The following CASS4 variants were observed in gnomAD, a reference collection of about 807,000 sequenced individuals.
CASS4 encodes the protein Cas scaffold protein family member 4.
In CASS4, 22 loss-of-function variants were observed where a neutral mutation model predicts 54.2. The ratio of observed to expected loss-of-function variants is 0.41; its 90% CI spans 0.29 to 0.58. The LOEUF is 0.58. Ranked by LOEUF, CASS4 falls within the 20% of genes least tolerant of loss-of-function variation. The pLI, the probability that CASS4 is intolerant of heterozygous loss-of-function variation, is 0.36. For synonymous variants in CASS4, 409 were observed against 391.5 expected (o/e 1.04, Z -0.53); for missense variants, 854 against 986.7 (o/e 0.87, Z 1.80).
Position 56,414,811 on chromosome 20 carries a change from G to A in CASS4, c.36+2317G>A, listed in dbSNP as rs1979051706. ...AATACAAAAAAATTAGCTGGGCATAGTGGTGCACGTCTGTATTCCCAGCTA... is the reference window on the plus strand; with the variant it reads ...AATACAAAAAAATTAGCTGGGCATAATGGTGCACGTCTGTATTCCCAGCTA... On this transcript the variant is annotated intron_variant, in intron 1 of 5. Transcript: ENST00000679887. The surrounding 1 kb of genome is among the most constrained non-coding windows in gnomAD (Gnocchi z 4.1). 6.6e-6 allele frequency among the ~76,000 whole-genome samples: 1 copy of A among 152,140 alleles called. No homozygotes were observed. Among genetic ancestry groups the A allele is most frequent in the Admixed American group, 6.6e-5 (1 of 15,264 alleles).
chr20:56,433,868 CT>C (rs1158949905), intron 1 of CASS4, among the ~76,000 whole-genome samples: 1 of 152,132 alleles, frequency 6.6e-6, no homozygotes, highest in Non-Finnish European at 1.5e-5. Context: ...CTTTGGGGAC[CT>C]TTTTTCTATG....
At chr20:56,443,110 G>T (rs908886490) in intron 2 of CASS4, among the ~76,000 whole-genome samples, 2 of 135,958 alleles carry the variant, frequency 1.5e-5, no homozygotes, top group African/African-American at 2.6e-5. Context: ...TACCACTGGC[G>T]GTACAGCCAG....
rs1337144302 is a variant in CASS4, at chr20:56,459,940, GC to G, written c.*1194del. ...GGTGAAGAAATACATACACAGTATA[GC>G]AGGTGCCAGGAAAAACGTAAGTAGG... On this transcript the variant is annotated 3_prime_UTR_variant, in exon 6 of 6. Transcript: ENST00000679887. 4 of 152,108 alleles carry G rather than the reference GC, an allele frequency of 2.6e-5. No homozygotes were observed. The highest frequency in any genetic ancestry group is 5.9e-5 in the Non-Finnish European group (4 of 68,020). 9.4% of individuals were successfully genotyped at this position (152,108 alleles called of 1,614,324 possible).
chr20:56,452,636 A>G lies in CASS4; in HGVS notation c.1460A>G (p.Glu487Gly). Residue 487 changes from glutamate to glycine, a missense_variant, in exon 5 of 6, where the codon GAA becomes GGA. Transcript: ENST00000679887. Reference protein sequence around the residue: ...DAIHRSTDHIEESVREFLDFA... With the variant: ...DAIHRSTDHIGESVREFLDFA... ...ATCCACAGGTCCACTGATCACATAG[A>G]AGAATCTGTAAGAGAATTTCTGGAT... is the stretch of plus-strand genomic sequence containing the variant. The G allele has an allele frequency of 6.2e-7, 1 of 1,614,166 alleles. No individual in the cohort carries two copies. The highest frequency in any genetic ancestry group is 8.5e-7 in the Non-Finnish European group (1 of 1,180,004).
chr20:56,423,755 G>C (rs1979514213), intron 1 of CASS4, among the ~76,000 whole-genome samples: 2 of 152,112 alleles, frequency 1.3e-5, no homozygotes, highest in Non-Finnish European at 2.9e-5. Flanking sequence ...ATGTTGGCCA[G>C]GCTGGTCTTG....
Position 56,453,077 on chromosome 20 carries a change from A to G in CASS4, c.1901A>G (p.Asp634Gly), listed in dbSNP as rs766739822. The G allele has an allele frequency of 1.2e-6, 2 of 1,614,138 alleles. No homozygotes were observed. The highest frequency in any genetic ancestry group is 1.7e-6 in the Non-Finnish European group (2 of 1,180,018). ...ACCCCTTCCACTAAGCAAAGGGAAG[A>G]TGAACACTCTTCTGAACTATTAAAG... The part of the protein sequence containing the change: ...KSTPSTKQRE[D>G]EHSSELLKKN... The change falls in exon 5 of 6, where the codon GAT becomes GGT. Residue 634 changes from aspartate to glycine, a missense_variant. By Grantham distance (94) the Asp-to-Gly change is moderately conservative (BLOSUM62 -1). Transcript: ENST00000679887.
intron 3 of CASS4, among the ~76,000 whole-genome samples, chr20:56,448,902 C>A (rs1406467462): frequency 6.6e-6 from 1 of 152,120 alleles, no homozygotes; most frequent in African/African-American, 2.4e-5. Context: ...ATCAAAACCA[C>A]CATGAGCTAC....
rs919858295 is a variant in CASS4, at chr20:56,412,308, C to G, written c.-151C>G. The G allele has an allele frequency of 5.8e-5, 49 of 838,306 alleles. No homozygotes were observed. Among genetic ancestry groups the G allele is most frequent in the Non-Finnish European group, 9.3e-5 (49 of 524,954 alleles). 51.9% of individuals were successfully genotyped at this position (838,306 alleles called of 1,614,324 possible). A position where few individuals can be genotyped will look rare whatever the true frequency, so the allele number is the denominator to read the frequency against. On this transcript the variant is annotated 5_prime_UTR_variant, in exon 1 of 6. Transcript: ENST00000679887. This position sits in a 1 kb window ranked among gnomAD's most constrained non-coding sequence, Gnocchi z 4.2. Reference sequence around the variant, plus strand: ...CAGAAAGTTTGCCTGCTGGGAGAGTCTTTTTGATCGTTTCCCATGTGTTGT... The same window carrying G: ...CAGAAAGTTTGCCTGCTGGGAGAGTGTTTTTGATCGTTTCCCATGTGTTGT...
In CASS4 at chr20:56,445,928, G is replaced by T. The variant is rs149841530; in HGVS notation, c.488G>T (p.Arg163Leu). ...QAILTLPRPV[R>L]ASLPTLPSQV... ...ATCCTCACGCTTCCCAGACCTGTCCGGGCCTCACTGCCGACTCTGCCTTCC... is the reference window on the plus strand; with the variant it reads ...ATCCTCACGCTTCCCAGACCTGTCCTGGCCTCACTGCCGACTCTGCCTTCC... Residue 163 changes from arginine (R) to leucine (L), a missense_variant, in exon 3 of 6, where the codon CGG becomes CTG. Coordinates refer to ENST00000679887, the MANE Select transcript of CASS4 (RefSeq NM_020356.4). The T allele has an allele frequency of 7.0e-5, 113 of 1,613,750 alleles. No homozygotes were observed. Among genetic ancestry groups the T allele is most frequent in the Non-Finnish European group, 7.2e-5 (85 of 1,179,996 alleles).
chr20:56,424,988 G>A (rs190116164), intron 1 of CASS4, among the ~76,000 whole-genome samples: 1 of 152,284 alleles, frequency 6.6e-6, no homozygotes, highest in African/African-American at 2.4e-5. Context: ...TAGGGACATG[G>A]TTATTCTGAA....
intron 1 of CASS4, among the ~76,000 whole-genome samples, chr20:56,432,898 G>C (rs79181856): frequency 0.072 from 10,880 of 152,118 alleles, 465 homozygotes; most frequent in Middle Eastern, 0.16. Context: ...GTGTGGGCAG[G>C]GGCGTCACAG....
At position 56,416,203 on chromosome 20, in the gene CASS4, C is replaced by A. The variant is rs915740921; in HGVS notation, c.36+3709C>A. ...TAGCTGGGATTACAGGCATGTGCCA[C>A]CATGCTCAGCTAATTTCTGTATTTT... On this transcript the variant is annotated intron_variant, in intron 1 of 5. Transcript: ENST00000679887. Among the ~76,000 whole-genome samples the A allele has an allele frequency of 2.0e-5, 3 of 152,166 alleles. No homozygotes were observed. The East Asian group carries it at 5.8e-4, about 29-fold the overall frequency.
intron 2 of CASS4, among the ~76,000 whole-genome samples, chr20:56,442,313 AT>A (rs944358648): frequency 2.0e-5 from 3 of 151,760 alleles, no homozygotes; most frequent in African/African-American, 7.3e-5. Flanking sequence ...ACAACTCTTC[AT>A]TTTACAGATG....
intron 1 of CASS4, among the ~76,000 whole-genome samples, chr20:56,413,994 C>T (rs1328697678): frequency 6.6e-6 from 1 of 152,066 alleles, no homozygotes; most frequent in African/African-American, 2.4e-5. Context: ...AAATAAATGG[C>T]CAATACAATG....
At chr20:56,449,450 G>A (rs544994096) in intron 3 of CASS4, among the ~76,000 whole-genome samples, 9 of 152,064 alleles carry the variant, frequency 5.9e-5, no homozygotes, top group African/African-American at 2.2e-4. Flanking sequence ...CACACACCGG[G>A]GCCTGTCATG....
At position 56,458,459 on chromosome 20, in the gene CASS4, CG is replaced by C. The variant is rs765291806; in HGVS notation, c.2075del (p.Gly692AlafsTer56). 1.2e-6 allele frequency: 2 copies of C among 1,614,206 alleles called. No homozygotes were observed. Among genetic ancestry groups the C allele is most frequent in the South Asian group, 2.2e-5 (2 of 91,090 alleles). On this transcript the variant is annotated frameshift_variant, in exon 6 of 6. Transcript: ENST00000679887. LOFTEE classifies it high-confidence loss of function. ...ALFKAISAFH[G>X]SLSSSQPAEI... ...TCTTCAAAGCCATCAGCGCATTTCACGGCAGCCTCAGCAGCAGCCAGCCCGC... is the reference window on the plus strand; with the variant it reads ...TCTTCAAAGCCATCAGCGCATTTCACGCAGCCTCAGCAGCAGCCAGCCCGC...
chr20:56,415,544 A>G lies in CASS4; in HGVS notation c.36+3050A>G, dbSNP rs529610945. ...CAACTACCAATACGTACTGGTGTTC[A>G]GTTCATATTAGTGCAGTTGATCCAT... On this transcript the variant is annotated intron_variant, in intron 1 of 5. Transcript: ENST00000679887. Among the ~76,000 whole-genome samples the G allele has an allele frequency of 2.6e-5, 4 of 152,354 alleles. No homozygotes were observed. In the South Asian group the frequency reaches 6.2e-4, roughly 24 times the overall value.
chr20:56,434,171 G>A (rs551339550), intron 1 of CASS4, among the ~76,000 whole-genome samples: 20 of 152,284 alleles, frequency 1.3e-4, no homozygotes, highest in African/African-American at 4.6e-4. Context: ...GGAGGGCAAC[G>A]TGACAGCATC....
intron 1 of CASS4, among the ~76,000 whole-genome samples, chr20:56,427,666 A>G (rs977956615): frequency 5.3e-5 from 8 of 152,222 alleles, no homozygotes; most frequent in Admixed American, 4.6e-4. Context: ...TCCTACATCC[A>G]TGGAAATCCT....
Sources: gnomAD v4.1 joint callset for allele counts (sites outside exome capture counted in the v4.1 genomes callset) on GRCh38, gnomAD v4.1.1 for gene constraint, Gnocchi (gnomAD v3.1) non-coding constraint, MANE v1.5 for transcripts, NCBI Gene and HGNC (gene_info 2026-07-23, HGNC 2026-07-21) for gene names.